XKR9: variants seen among roughly 807,000 people sequenced by gnomAD.
XKR9 encodes XK-related protein 9.
XKR9 carries 32 observed loss-of-function variants against 32.0 expected under a neutral mutation model. The ratio of observed to expected loss-of-function variants is 1.00; its 90% CI spans 0.76 to 1.34. XKR9 has a LOEUF of 1.34. Ranked by LOEUF, XKR9 falls within the 40% of genes most tolerant of loss-of-function variation. The probability of loss-of-function intolerance (pLI) is 0.00; values close to 1 mark genes in which losing one functional copy is unlikely to be tolerated. For missense variants in XKR9, 546 were observed against 429.7 expected, an observed-to-expected ratio of 1.27 and a Z score of -2.39; for synonymous variants, 168 against 143.4, an observed-to-expected ratio of 1.17 and a Z score of -1.22.
At chr8:70,810,327 T>C in the XKR9 span, among the ~76,000 whole-genome samples, 2 of 152,172 alleles carry the variant, frequency 1.3e-5, no homozygotes, top group African/African-American at 2.4e-5. Flanking sequence ...TAACAGCCAC[T>C]GCAAAAACAT....
downstream of XKR9, chr8:70,735,975 A>T (rs890869070): frequency 1.1e-4 from 16 of 152,090 alleles, no homozygotes; most frequent in African/African-American, 3.6e-4. Flanking sequence ...TTGGGTATAT[A>T]CCCAGTAATG....
At chr8:70,950,429 C>T in the XKR9 span, among the ~76,000 whole-genome samples, 34 of 152,018 alleles carry the variant, frequency 2.2e-4, no homozygotes, top group African/African-American at 7.5e-4. Flanking sequence ...GGAAGGAAAA[C>T]GAGGTCCAGG....
the XKR9 span, among the ~76,000 whole-genome samples, chr8:70,856,933 A>G: frequency 6.6e-6 from 1 of 152,214 alleles, no homozygotes; most frequent in Non-Finnish European, 1.5e-5. Flanking sequence ...AACGACAACA[A>G]AGACACAACA....
the XKR9 span, among the ~76,000 whole-genome samples, chr8:70,964,270 A>G: frequency 6.6e-6 from 1 of 152,128 alleles, no homozygotes; most frequent in South Asian, 2.1e-4. Flanking sequence ...AAGATCAGAT[A>G]GTTGTAGGTG....
At chr8:70,765,650 T>G (rs1397257397) in intron 2 of XKR9, among the ~76,000 whole-genome samples, 4 of 152,238 alleles carry the variant, frequency 2.6e-5, no homozygotes, top group African/African-American at 9.6e-5. Flanking sequence ...TTGCAGTTGC[T>G]TTTGATGTTT....
At chr8:71,035,137 A>T in the XKR9 span, among the ~76,000 whole-genome samples, 1 of 152,336 alleles carries the variant, frequency 6.6e-6, no homozygotes, top group East Asian at 1.9e-4. Flanking sequence ...GAATATATTG[A>T]AACATTTTAT....
rs1218296138 is a variant in XKR9 at position 70,734,497 on chromosome 8, G to A, written c.*73G>A. The stretch of plus-strand genomic sequence containing the variant: ...AGTAAAGAAAATGTGTGTTATGTGG[G>A]TGTGTTGTCTCTTATTTTTGCCACC... On this transcript the variant is annotated 3_prime_UTR_variant, in exon 5 of 5. Coordinates refer to ENST00000408926, the MANE Select transcript of XKR9 (RefSeq NM_001011720.2). 1.1e-5 allele frequency: 15 copies of A among 1,401,342 alleles called. No individual in the cohort carries two copies. The African/African-American group carries it at 1.2e-4, about 11-fold the overall frequency. 86.8% of individuals were successfully genotyped at this position (1,401,342 alleles called of 1,614,324 possible).
the XKR9 span, among the ~76,000 whole-genome samples, chr8:70,853,929 G>A: frequency 1.3e-5 from 2 of 152,144 alleles, no homozygotes; most frequent in African/African-American, 4.8e-5. Flanking sequence ...GTCTATCATT[G>A]TTGGACGTTT....
intron 2 of XKR9, among the ~76,000 whole-genome samples, chr8:70,747,439 G>A (rs933378017): frequency 1.3e-5 from 2 of 152,160 alleles, no homozygotes; most frequent in Non-Finnish European, 2.9e-5. Context: ...GGTTATAATG[G>A]GAGTGGTACT....
chr8:71,020,109 A>G, the XKR9 span, among the ~76,000 whole-genome samples: 3 of 152,184 alleles, frequency 2.0e-5, no homozygotes, highest in Non-Finnish European at 4.4e-5. Flanking sequence ...CAGTACCTGA[A>G]TTGGCTTAAT....
At chr8:70,703,945 G>A (rs1017203514) in intron 3 of XKR9, among the ~76,000 whole-genome samples, 7 of 152,120 alleles carry the variant, frequency 4.6e-5, no homozygotes, top group East Asian at 1.9e-4. Context: ...CACTTTGGGA[G>A]CCTGAGGTGG....
At chr8:70,982,540 G>A in the XKR9 span, among the ~76,000 whole-genome samples, 9 of 152,074 alleles carry the variant, frequency 5.9e-5, no homozygotes, top group African/African-American at 1.2e-4. Flanking sequence ...CACTCCCACC[G>A]TGCCCCCAAA....
the XKR9 span, among the ~76,000 whole-genome samples, chr8:71,015,290 T>G: frequency 6.6e-6 from 1 of 152,158 alleles, no homozygotes; most frequent in Non-Finnish European, 1.5e-5. Flanking sequence ...CTAACATGCC[T>G]GGTGGAGAGT....
At chr8:70,961,328 A>G in the XKR9 span, among the ~76,000 whole-genome samples, 2 of 152,246 alleles carry the variant, frequency 1.3e-5, no homozygotes, top group African/African-American at 4.8e-5. Context: ...TTGATCTGGA[A>G]GTTAGATATG....
In XKR9 at chr8:70,783,525, A is replaced by G. The variant is rs372802834; in HGVS notation, n.353-5814A>G. Among the ~76,000 whole-genome samples, 6 of 152,178 alleles carry G rather than the reference A, an allele frequency of 3.9e-5. No homozygotes were observed. The East Asian group carries it at 9.6e-4, about 24-fold the overall frequency. On this transcript the variant is annotated intron_variant and non_coding_transcript_variant, in intron 2 of 3. Coordinates refer to the XKR9 transcript ENST00000520273. Reference sequence around the variant, plus strand: ...TTTTGAGAAAGTCTATTTAGGCCCCATGCCCATTTTTTAACTGAGTTTTTT... The same window carrying G: ...TTTTGAGAAAGTCTATTTAGGCCCCGTGCCCATTTTTTAACTGAGTTTTTT...
the XKR9 span, among the ~76,000 whole-genome samples, chr8:70,894,577 A>T: frequency 6.6e-6 from 1 of 152,068 alleles, no homozygotes; most frequent in African/African-American, 2.4e-5. Context: ...TGGGGCAGGA[A>T]CTATTCTGAG....
Position 70,671,372 on chromosome 8 carries a change from G to A in XKR9, c.-361+1834G>A, listed in dbSNP as rs1818711871. Among the ~76,000 whole-genome samples the A allele has an allele frequency of 5.5e-5, 3 of 54,856 alleles. 1 individual carries two copies. Among genetic ancestry groups the A allele is most frequent in the Non-Finnish European group, 1.9e-4 (3 of 15,436 alleles). The allele number at this position is 54,856 out of a possible 152,430, so 36.0% of individuals were successfully genotyped here. On this transcript the variant is annotated intron_variant, in intron 1 of 4. Coordinates refer to ENST00000408926, the MANE Select transcript of XKR9 (RefSeq NM_001011720.2). ...TTATACTCTAAGTTTTAGGGTACAT[G>A]TGCACATTGTGCAGGTTAGTTACAT...
chr8:70,730,186 G>T (rs1175044189), intron 4 of XKR9, among the ~76,000 whole-genome samples: 1 of 151,242 alleles, frequency 6.6e-6, no homozygotes, highest in Non-Finnish European at 1.5e-5. Flanking sequence ...TACCCAAAGG[G>T]GCAAAAAAAC....
intron 3 of XKR9, among the ~76,000 whole-genome samples, chr8:70,698,382 T>C (rs1350136093): frequency 6.6e-6 from 1 of 152,068 alleles, no homozygotes; most frequent in African/African-American, 2.4e-5. Context: ...CTGGTATGTT[T>C]TGTCTTTGTT....
Sources: allele counts gnomAD v4.1 joint callset (sites outside exome capture counted in the v4.1 genomes callset), GRCh38; gene constraint gnomAD v4.1.1; transcripts MANE v1.5; gene names NCBI Gene and HGNC (gene_info 2026-07-23, HGNC 2026-07-21).